Variants in PSMG2 observed in about 807,000 individuals in gnomAD.
The protein encoded by PSMG2 is CD40 ligand-activated specific transcript 3.
In PSMG2, 21 loss-of-function variants were observed where a neutral mutation model predicts 31.5. That is an observed-to-expected ratio of 0.67 (90% CI 0.47 to 0.96). PSMG2 has a LOEUF of 0.96. PSMG2 is among the 40% of genes least tolerant of loss of function. The pLI is 0.00. For synonymous variants in PSMG2, 120 were observed against 110.4 expected, an observed-to-expected ratio of 1.09 and a Z score of -0.54; for missense variants, 318 against 321.2, an observed-to-expected ratio of 0.99 and a Z score of 0.08.
At chr18:12,673,591 T>C (rs2039008245) in intron 1 of PSMG2, 2 of 1,163,018 alleles carry the variant, frequency 1.7e-6, no homozygotes, top group Non-Finnish European at 2.4e-6. Context: ...TTAAAATAAT[T>C]TTTTCAGGCT....
intron 1 of PSMG2, chr18:12,697,164 A>T: frequency 1.7e-6 from 2 of 1,192,664 alleles, no homozygotes; most frequent in Non-Finnish European, 2.4e-6. Flanking sequence ...GATATAAAAT[A>T]TATTTACAAA....
At chr18:12,685,659 G>A (rs1442103370) in intron 1 of PSMG2, 1 of 149,012 alleles carries the variant, frequency 6.7e-6, no homozygotes, top group South Asian at 2.1e-4. Flanking sequence ...TTTGAGACGT[G>A]TCTTGCTCTG....
At position 12,725,617 on chromosome 18, in the gene PSMG2, T is replaced by G; in HGVS notation, c.*86T>G. ...TTCTATACAAAAAAATTGTATGATC[T>G]GGTATTAGGAAATTACTTTCACAGT... On this transcript the variant is annotated 3_prime_UTR_variant, in exon 7 of 7. Transcript: ENST00000317615. 1.1e-6 allele frequency: 1 copy of G among 936,040 alleles called. No homozygotes were observed. The highest frequency in any genetic ancestry group is 1.5e-6 in the Non-Finnish European group (1 of 646,020). 58.0% of individuals were successfully genotyped at this position (936,040 alleles called of 1,614,324 possible).
chr18:12,691,452 C>T, intron 1 of PSMG2: 1 of 1,605,120 alleles, frequency 6.2e-7, no homozygotes, highest in Non-Finnish European at 8.5e-7. Context: ...GAAATAATCG[C>T]TCTTTCTCTG....
At chr18:12,721,075 G>C (rs1396254509) in intron 5 of PSMG2, among the ~76,000 whole-genome samples, 5 of 151,134 alleles carry the variant, frequency 3.3e-5, no homozygotes, top group Non-Finnish European at 7.4e-5. Context: ...AGCTACTCGG[G>C]AGGCCGAGGC....
chr18:12,678,244 A>C, intron 1 of PSMG2: 1 of 1,614,144 alleles, frequency 6.2e-7, no homozygotes, highest in Non-Finnish European at 8.5e-7. Flanking sequence ...ACACAGATTT[A>C]ATTGCTTCCT....
upstream of PSMG2, chr18:12,702,830 C>A (rs1459734093): frequency 4.1e-5 from 23 of 562,246 alleles, no homozygotes; most frequent in Non-Finnish European, 3.1e-6. Context: ...CGCTCCACCT[C>A]CCCGCGGGCC....
At chr18:12,665,931 G>C (rs375541824) in intron 1 of PSMG2, among the ~76,000 whole-genome samples, 3 of 152,064 alleles carry the variant, frequency 2.0e-5, no homozygotes, top group Non-Finnish European at 2.9e-5. Context: ...GCCTGACCCC[G>C]TGATCTGCCC....
chr18:12,661,078 C>T (rs975244650), intron 1 of PSMG2, among the ~76,000 whole-genome samples: 1 of 152,132 alleles, frequency 6.6e-6, no homozygotes, highest in Non-Finnish European at 1.5e-5. Context: ...GAGGCCGAGG[C>T]GGGCAGATCA....
upstream of PSMG2, chr18:12,702,668 T>C (rs1488355949): frequency 2.6e-6 from 3 of 1,144,882 alleles, no homozygotes; most frequent in South Asian, 1.5e-5. Flanking sequence ...GCCGTTCGCC[T>C]AGCGCAGCTC....
chr18:12,710,250 G>A (rs1409598435), intron 2 of PSMG2, among the ~76,000 whole-genome samples: 2 of 152,056 alleles, frequency 1.3e-5, no homozygotes, highest in African/African-American at 2.4e-5. Context: ...CCCTTTTAAA[G>A]CATCTGTGAT....
At chr18:12,673,318 T>C in intron 1 of PSMG2, 1 of 1,565,202 alleles carries the variant, frequency 6.4e-7, no homozygotes, top group Non-Finnish European at 8.6e-7. Context: ...GTACAATGTG[T>C]AAAATTCCAA....
chr18:12,725,432 A>G lies in PSMG2; in HGVS notation c.703-7A>G, dbSNP rs189904513. On this transcript the variant is annotated splice_region_variant and splice_polypyrimidine_tract_variant and intron_variant, in intron 6 of 6. Transcript: ENST00000317615. ...AAAGATTAAAATATTTTGTTCTTCA[A>G]TTACAGAGCGATGACCCCACAGTAT... 896 of 1,559,396 alleles carry G rather than the reference A, an allele frequency of 5.7e-4. 5 individuals are homozygous for G. Among genetic ancestry groups the G allele is most frequent in the Non-Finnish European group, 1.7e-4 (188 of 1,135,964 alleles).
chr18:12,690,356 A>G (rs781438954), intron 1 of PSMG2, among the ~76,000 whole-genome samples: 2 of 152,320 alleles, frequency 1.3e-5, no homozygotes, highest in African/African-American at 2.4e-5. Context: ...AATATACTAC[A>G]CTATACTTAT....
At chr18:12,716,446 C>T (rs375903754) in intron 3 of PSMG2, among the ~76,000 whole-genome samples, 103 of 149,826 alleles carry the variant, frequency 6.9e-4, no homozygotes, top group African/African-American at 2.3e-3. Flanking sequence ...CAGGCTGGAC[C>T]GCAGTGGCAT....
intron 6 of PSMG2, 100 bp downstream of exon 6, chr18:12,724,719 AT>A: frequency 8.3e-7 from 1 of 1,207,678 alleles, no homozygotes; most frequent in East Asian, 2.8e-5. Flanking sequence ...GAACGTTTGT[AT>A]TAAATATAGA....
At chr18:12,704,224 A>C (rs1299790397) in intron 1 of PSMG2, among the ~76,000 whole-genome samples, 1 of 152,208 alleles carries the variant, frequency 6.6e-6, no homozygotes, top group African/African-American at 2.4e-5. Context: ...GAGGAAAGCC[A>C]TATTGGAGTG....
intron 1 of PSMG2, among the ~76,000 whole-genome samples, chr18:12,682,113 G>A (rs1300580920): frequency 6.6e-6 from 1 of 152,088 alleles, no homozygotes; most frequent in Non-Finnish European, 1.5e-5. Context: ...AAGACTACAC[G>A]CGAAAGCAAA....
intron 2 of PSMG2, among the ~76,000 whole-genome samples, chr18:12,708,365 A>G (rs1244348867): frequency 2.6e-5 from 4 of 151,062 alleles, no homozygotes; most frequent in African/African-American, 9.8e-5. Flanking sequence ...AATGCCATGT[A>G]CTTTTTTTTT....
Sources: gnomAD v4.1 joint callset for allele counts (sites outside exome capture counted in the v4.1 genomes callset) on GRCh38, gnomAD v4.1.1 for gene constraint, MANE v1.5 for transcripts, NCBI Gene and HGNC (gene_info 2026-07-23, HGNC 2026-07-21) for gene names.